Variants in ANKS1B observed in about 807,000 individuals in gnomAD.
ANKS1B encodes ankyrin repeat and sterile alpha motif domain containing 1B.
Under a neutral mutation model 148.3 loss-of-function variants are expected in ANKS1B, and 36 were observed. The ratio of observed to expected loss-of-function variants is 0.24; its 90% CI spans 0.19 to 0.32. ANKS1B has a LOEUF of 0.32. Ranked by LOEUF, ANKS1B falls within the 10% of genes least tolerant of loss-of-function variation. The pLI, the probability that ANKS1B is intolerant of heterozygous loss-of-function variation, is 1.00. For synonymous variants in ANKS1B, 542 were observed against 560.8 expected (o/e 0.97, Z 0.47); for missense variants, 1,157 against 1,542.6 (o/e 0.75, Z 4.19).
At chr12:99,553,430 T>C (rs2097244047) in intron 9 of ANKS1B, among the ~76,000 whole-genome samples, 1 of 152,192 alleles carries the variant, frequency 6.6e-6, no homozygotes, top group Non-Finnish European at 1.5e-5. Flanking sequence ...ATACTGTTGC[T>C]ATGGATGCTT....
At chr12:99,641,200 G>A (rs868531462) in intron 9 of ANKS1B, among the ~76,000 whole-genome samples, 21 of 152,210 alleles carry the variant, frequency 1.4e-4, no homozygotes, top group East Asian at 1.4e-3. Flanking sequence ...AAAAATGTGC[G>A]TTTGTATTGT....
At chr12:99,606,634 A>G (rs1340327113) in intron 9 of ANKS1B, among the ~76,000 whole-genome samples, 2 of 152,086 alleles carry the variant, frequency 1.3e-5, no homozygotes, top group Admixed American at 1.3e-4. Context: ...ACTTACTTAG[A>G]AATAACTCAG....
intron 17 of ANKS1B, among the ~76,000 whole-genome samples, chr12:98,858,245 C>T (rs2099581622): frequency 6.6e-6 from 1 of 152,128 alleles, no homozygotes; most frequent in African/African-American, 2.4e-5. Flanking sequence ...AAAAAGAGAG[C>T]TCTTGAGTCA....
intron 12 of ANKS1B, among the ~76,000 whole-genome samples, chr12:99,255,965 G>A (rs2075210791): frequency 6.6e-6 from 1 of 152,050 alleles, no homozygotes; most frequent in Non-Finnish European, 1.5e-5. Context: ...ATTTATTAAT[G>A]GAACTCTTAA....
At chr12:98,959,967 G>A (rs2099868456) in intron 17 of ANKS1B, among the ~76,000 whole-genome samples, 2 of 152,192 alleles carry the variant, frequency 1.3e-5, no homozygotes, top group African/African-American at 4.8e-5. Context: ...CCACAATCGA[G>A]TAAGGCACCA....
At chr12:98,886,113 T>G (rs898297874) in intron 17 of ANKS1B, among the ~76,000 whole-genome samples, 2 of 152,174 alleles carry the variant, frequency 1.3e-5, no homozygotes, top group Non-Finnish European at 2.9e-5. Flanking sequence ...GAACTAAATC[T>G]AGAATTTTAT....
At chr12:99,978,287 G>A (rs960837923) in intron 1 of ANKS1B, among the ~76,000 whole-genome samples, 1 of 152,236 alleles carries the variant, frequency 6.6e-6, no homozygotes, top group East Asian at 1.9e-4. Flanking sequence ...AGGTTGAGTA[G>A]TAGTCACTGG....
At chr12:99,478,665 A>G (rs2096364552) in intron 10 of ANKS1B, among the ~76,000 whole-genome samples, 1 of 152,110 alleles carries the variant, frequency 6.6e-6, no homozygotes, top group Non-Finnish European at 1.5e-5. Context: ...CCAGTGGAAA[A>G]TTCTTCCAAA....
intron 5 of ANKS1B, among the ~76,000 whole-genome samples, chr12:99,780,788 A>G (rs1414344517): frequency 6.6e-6 from 1 of 152,198 alleles, no homozygotes; most frequent in Non-Finnish European, 1.5e-5. Flanking sequence ...TTGAATATTC[A>G]CAAAGTTGAA....
At position 98,829,077 on chromosome 12, in the gene ANKS1B, G is replaced by A. The variant is rs542338391; in HGVS notation, c.3066+97C>T. ...ATAACATGGTATAAATTCTAGTTAG[G>A]CACGGACAATAAGCATCCATAGGAA... On this transcript the variant is annotated intron_variant, in intron 19 of 26. Coordinates refer to ENST00000683438, the MANE Select transcript of ANKS1B (RefSeq NM_001352186.2). The surrounding 1 kb of genome is among the most constrained non-coding windows in gnomAD (Gnocchi z 5.2). The A allele has an allele frequency of 4.6e-5, 63 of 1,380,084 alleles. No homozygotes were observed. The African/African-American group carries it at 8.5e-4, about 19-fold the overall frequency. The allele number at this position is 1,380,084 out of a possible 1,614,324, so 85.5% of individuals were successfully genotyped here. A position where few individuals can be genotyped will look rare whatever the true frequency, so the allele number is the denominator to read the frequency against.
chr12:99,000,670 A>G (rs894061510), intron 17 of ANKS1B, among the ~76,000 whole-genome samples: 1 of 152,204 alleles, frequency 6.6e-6, no homozygotes, highest in African/African-American at 2.4e-5. Context: ...ACTGTTAACT[A>G]GAGGCACAGG....
At chr12:99,950,113 A>ATTTTTTTTT (rs35287842) in intron 1 of ANKS1B, among the ~76,000 whole-genome samples, 11 of 90,542 alleles carry the variant, frequency 1.2e-4, no homozygotes, top group African/African-American at 4.0e-4. Context: ...TGCTCAGTTA[A>ATTTTTTTTT]TTTTTTTTTT....
Position 99,829,982 on chromosome 12 carries a change from G to T in ANKS1B, c.135-4593C>A, listed in dbSNP as rs576697066. On this transcript the variant is annotated intron_variant, in intron 1 of 26. Coordinates refer to ENST00000683438, the MANE Select transcript of ANKS1B (RefSeq NM_001352186.2). ...CAAATTCCTAAAACACCCATCCAGG[G>T]CTATTCTCTTAATTTAAATTTTTCC... 2.6e-5 allele frequency among the ~76,000 whole-genome samples: 4 copies of T among 152,208 alleles called. No homozygotes were observed. In the East Asian group the frequency reaches 7.7e-4, roughly 29 times the overall value.
intron 9 of ANKS1B, among the ~76,000 whole-genome samples, chr12:99,623,932 G>C (rs1429227926): frequency 6.6e-6 from 1 of 151,988 alleles, no homozygotes; most frequent in Non-Finnish European, 1.5e-5. Context: ...AACCAAAAAT[G>C]AGGCTGAATA....
At chr12:98,903,289 A>C (rs913199798) in intron 17 of ANKS1B, among the ~76,000 whole-genome samples, 6 of 152,184 alleles carry the variant, frequency 3.9e-5, no homozygotes, top group Non-Finnish European at 5.9e-5. Flanking sequence ...ACTCTCCCAC[A>C]CTTAGCTATG....
chr12:99,002,432 T>C (rs1413053679), intron 17 of ANKS1B, among the ~76,000 whole-genome samples: 5 of 152,182 alleles, frequency 3.3e-5, no homozygotes, highest in South Asian at 2.1e-4. Flanking sequence ...TATGCATACA[T>C]TGTAAAATGA....
chr12:98,745,375 C>CTCTTTTTTT lies in ANKS1B; in HGVS notation c.*363_*364insAAAAAAAGA, dbSNP rs1358559114. ...TAGGCAGTATTAGAGATCCCCTTTACTTTTTTTTTTTTTTTTTTTTTTTTA... is the reference window on the plus strand; with the variant it reads ...TAGGCAGTATTAGAGATCCCCTTTACTCTTTTTTTTTTTTTTTTTTTTTTTTTTTTTTTA... On this transcript the variant is annotated 3_prime_UTR_variant, in exon 27 of 27. Transcript: ENST00000683438. 2.2e-6 allele frequency: 2 copies of CTCTTTTTTT among 913,716 alleles called. No homozygotes were observed. The highest frequency in any genetic ancestry group is 2.4e-5 in the African/African-American group (1 of 41,876). The allele number at this position is 913,716 out of a possible 1,614,324, so 56.6% of individuals were successfully genotyped here.
At chr12:99,814,257 G>C (rs1027436829) in intron 2 of ANKS1B, among the ~76,000 whole-genome samples, 23 of 151,538 alleles carry the variant, frequency 1.5e-4, no homozygotes, top group African/African-American at 5.6e-4. Context: ...ACTGTACTTA[G>C]TCTCATTTTC....
chr12:98,750,889 T>A (rs916717128), intron 26 of ANKS1B, among the ~76,000 whole-genome samples: 5 of 152,216 alleles, frequency 3.3e-5, no homozygotes, highest in Admixed American at 2.6e-4. Context: ...AGGCCTTGCA[T>A]ATAGCAGGGC....
Sources: allele counts gnomAD v4.1 joint callset (sites outside exome capture counted in the v4.1 genomes callset), GRCh38; gene constraint gnomAD v4.1.1; non-coding constraint Gnocchi (gnomAD v3.1); transcripts MANE v1.5; gene names NCBI Gene and HGNC (gene_info 2026-07-23, HGNC 2026-07-21).